The following TAF12 variants were observed in gnomAD, a reference collection of about 807,000 sequenced individuals.
TAF12 encodes the protein transcription initiation factor TFIID subunit 12.
Under a neutral mutation model 20.8 loss-of-function variants are expected in TAF12, and 3 were observed. The ratio of observed to expected loss-of-function variants is 0.14; its 90% CI spans 0.07 to 0.37. TAF12 has a LOEUF of 0.37. TAF12 is among the 10% of genes least tolerant of loss of function. TAF12 has a pLI of 1.00. For missense variants in TAF12, 131 were observed against 197.9 expected (o/e 0.66, Z 2.03); for synonymous variants, 69 against 70.2 (o/e 0.98, Z 0.09).
intron 2 of TAF12, among the ~76,000 whole-genome samples, chr1:28,620,626 C>T (rs9426388): frequency 1.8e-3 from 268 of 150,554 alleles, no homozygotes; most frequent in Non-Finnish European, 3.1e-3. Context: ...TTAGTAGAGA[C>T]GGGGTTTCAC....
rs1666638833 is a variant in TAF12, at chr1:28,605,513, G to A, written c.362-53C>T. 2.1e-5 allele frequency: 33 copies of A among 1,567,232 alleles called. No individual in the cohort carries two copies. In the South Asian group the frequency reaches 3.6e-4, roughly 17 times the overall value. ...AAACGTACCAAGAAGGCAGTACCAG[G>A]AGTGCAATGTGACCCCCTTGGATCA... On this transcript the variant is annotated intron_variant, in intron 4 of 5. Transcript: ENST00000373824.
At chr1:28,629,601 G>T (rs1172288964) in intron 1 of TAF12, among the ~76,000 whole-genome samples, 3 of 152,092 alleles carry the variant, frequency 2.0e-5, no homozygotes, top group Non-Finnish European at 4.4e-5. Context: ...CTCCCATAGT[G>T]CTGGGATTAC....
chr1:28,607,024 T>C (rs981461580), intron 4 of TAF12, among the ~76,000 whole-genome samples: 30 of 152,202 alleles, frequency 2.0e-4, no homozygotes, highest in Non-Finnish European at 3.2e-4. Context: ...TTATCTTCCT[T>C]ATAAGGTTAT....
intron 1 of TAF12, chr1:28,623,943 T>C (rs1323638201): frequency 8.1e-6 from 8 of 985,604 alleles, no homozygotes; most frequent in Non-Finnish European, 9.6e-6. Context: ...CAAACTTACT[T>C]ACAGCTATCT....
chr1:28,617,380 G>T, intron 3 of TAF12, among the ~76,000 whole-genome samples: 1 of 151,430 alleles, frequency 6.6e-6, no homozygotes, highest in Non-Finnish European at 1.5e-5. Flanking sequence ...GGCCTTCTGG[G>T]TTTAAGAACA....
At chr1:28,646,696 A>ATT (rs758006645), upstream of TAF12, among the ~76,000 whole-genome samples, 141 of 124,922 alleles carry the variant, frequency 1.1e-3, no homozygotes, top group Non-Finnish European at 2.0e-3. Context: ...CACTCGGCCA[A>ATT]TTTTTTTTTT....
At position 28,642,992 on chromosome 1, in the gene TAF12, A is replaced by C. The variant is rs1414535894; in HGVS notation, c.-85T>G. ...TCAACTGCCAGGGCCCAAGACTCAC[A>C]GGCAGCAGCGTCTATCTCCCCATGA... On this transcript the variant is annotated splice_region_variant and 5_prime_UTR_variant, in exon 1 of 6. Transcript: ENST00000373824. 1.7e-5 allele frequency: 17 copies of C among 985,900 alleles called. No individual in the cohort carries two copies. Among genetic ancestry groups the C allele is most frequent in the Non-Finnish European group, 2.0e-5 (17 of 830,086 alleles). The allele number at this position is 985,900 out of a possible 1,614,324, so 61.1% of individuals were successfully genotyped here.
intron 3 of TAF12, among the ~76,000 whole-genome samples, chr1:28,614,478 A>AT (rs1354574050): frequency 6.6e-6 from 1 of 151,438 alleles, no homozygotes; most frequent in Non-Finnish European, 1.5e-5. Context: ...GAAGTCAGGA[A>AT]TTTGAGACCA....
intron 5 of TAF12, among the ~76,000 whole-genome samples, chr1:28,604,816 G>C (rs1666611021): frequency 6.6e-6 from 1 of 152,162 alleles, no homozygotes; most frequent in Non-Finnish European, 1.5e-5. Flanking sequence ...ACTGCTGTTG[G>C]ACTGACCAAA....
chr1:28,637,905 C>T (rs1393710893), intron 1 of TAF12, among the ~76,000 whole-genome samples: 2 of 152,088 alleles, frequency 1.3e-5, no homozygotes, highest in African/African-American at 4.8e-5. Flanking sequence ...AATCCCAGCA[C>T]TTCGGGAGGC....
intron 1 of TAF12, among the ~76,000 whole-genome samples, chr1:28,631,235 G>A (rs1472675908): frequency 4.0e-5 from 6 of 150,990 alleles, no homozygotes; most frequent in African/African-American, 1.5e-4. Context: ...AAAATGGGCA[G>A]ACTCGGCCAG....
At chr1:28,627,422 G>A (rs961710656) in intron 1 of TAF12, among the ~76,000 whole-genome samples, 57 of 149,196 alleles carry the variant, frequency 3.8e-4, no homozygotes, top group Middle Eastern at 3.8e-3. Context: ...GGCCGGGCGC[G>A]GTGGCTCACG....
At chr1:28,638,988 C>A (rs1478819809) in intron 1 of TAF12, among the ~76,000 whole-genome samples, 4 of 150,762 alleles carry the variant, frequency 2.7e-5, no homozygotes, top group Non-Finnish European at 5.9e-5. Context: ...GGGGTTTCAC[C>A]GTGGTCTCGA....
Position 28,633,133 on chromosome 1 carries a change from T to A in TAF12, c.-85+9859A>T, listed in dbSNP as rs540574145. Among the ~76,000 whole-genome samples, 6 of 151,348 alleles carry A rather than the reference T, an allele frequency of 4.0e-5. No homozygotes were observed. In the South Asian group the frequency reaches 1.3e-3, roughly 32 times the overall value. On this transcript the variant is annotated intron_variant, in intron 1 of 5. Coordinates refer to ENST00000373824, the MANE Select transcript of TAF12 (RefSeq NM_005644.4). ...GCCTCGGCCTCCCAAAGTGCTGGGA[T>A]TACAGGGCATGCACCTCCAAGCCCG...
chr1:28,634,985 G>C (rs932419884), intron 1 of TAF12, among the ~76,000 whole-genome samples: 1 of 151,028 alleles, frequency 6.6e-6, no homozygotes, highest in African/African-American at 2.4e-5. Context: ...CCAGCACTTT[G>C]GGAGGCCGAG....
chr1:28,631,239 C>T (rs1182744108), intron 1 of TAF12, among the ~76,000 whole-genome samples: 3 of 150,156 alleles, frequency 2.0e-5, no homozygotes, highest in Non-Finnish European at 4.4e-5. Flanking sequence ...TGGGCAGACT[C>T]GGCCAGGCAT....
At chr1:28,632,689 G>A (rs1356923787) in intron 1 of TAF12, among the ~76,000 whole-genome samples, 1 of 152,068 alleles carries the variant, frequency 6.6e-6, no homozygotes, top group Non-Finnish European at 1.5e-5. Flanking sequence ...GGTTGTTAAG[G>A]AGTCTGGGGC....
At chr1:28,629,531 T>G (rs190346979) in intron 1 of TAF12, among the ~76,000 whole-genome samples, 15 of 152,272 alleles carry the variant, frequency 9.9e-5, no homozygotes, top group South Asian at 4.1e-4. Flanking sequence ...AGATGGAGTT[T>G]TCCCATGTTG....
intron 3 of TAF12, among the ~76,000 whole-genome samples, chr1:28,617,137 T>C (rs1016439199): frequency 1.3e-5 from 2 of 152,104 alleles, no homozygotes; most frequent in African/African-American, 2.4e-5. Flanking sequence ...AAAAGAATAT[T>C]ATAAAATTAA....
Sources: gnomAD v4.1 joint callset for allele counts (sites outside exome capture counted in the v4.1 genomes callset) on GRCh38, gnomAD v4.1.1 for gene constraint, MANE v1.5 for transcripts, NCBI Gene and HGNC (gene_info 2026-07-23, HGNC 2026-07-21) for gene names.